TULP4: variants seen among roughly 807,000 people sequenced by gnomAD.
TULP4 encodes the protein tubby-related protein 4.
Under a neutral mutation model 129.0 loss-of-function variants are expected in TULP4, and 16 were observed. The observed-to-expected ratio is 0.12, with a 90% CI of 0.08 to 0.19. The LOEUF is 0.19. Among genes scored for constraint, TULP4 ranks in the 10% least tolerant of loss-of-function variants. TULP4 has a pLI of 1.00. For synonymous variants in TULP4, 998 were observed against 854.0 expected (o/e 1.17, Z -2.94); for missense variants, 1,842 against 2,059.1 (o/e 0.89, Z 2.04).
In TULP4 at chr6:158,313,689, C is replaced by A; in HGVS notation, c.-328C>A. 1 of 447,746 alleles carries A rather than the reference C, an allele frequency of 2.2e-6. No homozygotes were observed. Among genetic ancestry groups the A allele is most frequent in the Non-Finnish European group, 3.9e-6 (1 of 256,204 alleles). The allele number at this position is 447,746 out of a possible 1,614,324, so 27.7% of individuals were successfully genotyped here. A position where few individuals can be genotyped will look rare whatever the true frequency, so the allele number is the denominator to read the frequency against. ...AAAAAGAAGAAAACCGTTTCTTGAT[C>A]ACCACTTAATTAACGATGCTCTTTC... On this transcript the variant is annotated 5_prime_UTR_variant, in exon 1 of 14. Transcript: ENST00000367097.
At chr6:158,267,721 C>T (rs753369569) in intron 1 of TULP4, among the ~76,000 whole-genome samples, 3 of 152,176 alleles carry the variant, frequency 2.0e-5, no homozygotes, top group Non-Finnish European at 2.9e-5. Context: ...ATTTTGCTCC[C>T]GTGTGGATGT....
intron 1 of TULP4, among the ~76,000 whole-genome samples, chr6:158,394,554 C>T (rs991893500): frequency 1.3e-5 from 2 of 151,774 alleles, no homozygotes; most frequent in African/African-American, 2.4e-5. Context: ...AAGGCTGAGG[C>T]GGGCAGATCA....
chr6:158,483,493 T>A (rs530289583), intron 8 of TULP4, among the ~76,000 whole-genome samples: 254 of 152,128 alleles, frequency 1.7e-3, no homozygotes, highest in Non-Finnish European at 2.8e-3. Context: ...CCACACTTGC[T>A]AATTTTTGTA....
At chr6:158,273,611 A>T (rs1778587640) in intron 1 of TULP4, among the ~76,000 whole-genome samples, 1 of 152,170 alleles carries the variant, frequency 6.6e-6, no homozygotes, top group South Asian at 2.1e-4. Context: ...GCCCTGTCCC[A>T]TTCTTCTTCA....
intron 1 of TULP4, among the ~76,000 whole-genome samples, chr6:158,323,519 T>A (rs533731111): frequency 1.2e-3 from 114 of 98,376 alleles, no homozygotes; most frequent in African/African-American, 3.7e-3. Context: ...GTGAGCATAT[T>A]GTAGCATGCT....
intron 1 of TULP4, among the ~76,000 whole-genome samples, chr6:158,396,717 G>A (rs966189073): frequency 6.6e-6 from 1 of 152,130 alleles, no homozygotes; most frequent in African/African-American, 2.4e-5. Context: ...TTTACAGATT[G>A]ATGTCTCTTA....
chr6:158,296,733 G>A (rs999600350), intron 1 of TULP4, among the ~76,000 whole-genome samples: 3 of 152,154 alleles, frequency 2.0e-5, no homozygotes, highest in Non-Finnish European at 4.4e-5. Context: ...CTGGGCTGCC[G>A]GAGATGACAT....
intron 1 of TULP4, among the ~76,000 whole-genome samples, chr6:158,352,196 A>G: frequency 6.6e-6 from 1 of 152,214 alleles, no homozygotes; most frequent in East Asian, 1.9e-4. Context: ...ATTTCCAGAT[A>G]TCCATTGGAA....
At chr6:158,457,637 C>T (rs1161541639) in intron 5 of TULP4, among the ~76,000 whole-genome samples, 2 of 152,202 alleles carry the variant, frequency 1.3e-5, no homozygotes, top group Non-Finnish European at 2.9e-5. Context: ...GTTCATCCCT[C>T]AGTGGCAAAG....
intron 6 of TULP4, among the ~76,000 whole-genome samples, chr6:158,474,384 C>G (rs1210738865): frequency 1.1e-4 from 16 of 152,192 alleles, no homozygotes; most frequent in Admixed American, 1.0e-3. Context: ...CCTGGTTTTC[C>G]CTGTCCAGGA....
At position 158,502,292 on chromosome 6, in the gene TULP4, G is replaced by A; in HGVS notation, c.2629G>A (p.Val877Met). The A allele has an allele frequency of 6.2e-7, 1 of 1,608,256 alleles. No individual in the cohort carries two copies. The highest frequency in any genetic ancestry group is 8.5e-7 in the Non-Finnish European group (1 of 1,177,726). ...KGDFSLYPTS[V>M]HYQTPLGYER... ...CGACTTCTCCCTCTACCCCACGTCA[G>A]TGCACTACCAGACCCCCCTGGGCTA... is the stretch of plus-strand genomic sequence containing the variant. The change falls in exon 13 of 14, where the codon GTG becomes ATG. Residue 877 changes from valine to methionine, a missense_variant. Coordinates refer to ENST00000367097, the MANE Select transcript of TULP4 (RefSeq NM_020245.5).
Position 158,492,320 on chromosome 6 carries a change from G to A in TULP4, c.1632-1253G>A, listed in dbSNP as rs138842889. Among the ~76,000 whole-genome samples the A allele has an allele frequency of 1.5e-3, 229 of 152,296 alleles. 1 individual carries two copies. Among genetic ancestry groups the A allele is most frequent in the Middle Eastern group, 6.8e-3 (2 of 294 alleles). ...GCCTTTCTTCAGTTCTCTTCCAGCA[G>A]CTTTCTAGTTTTAGCTTTCATGCTT... On this transcript the variant is annotated intron_variant, in intron 9 of 13. Coordinates refer to ENST00000367097, the MANE Select transcript of TULP4 (RefSeq NM_020245.5).
intron 1 of TULP4, among the ~76,000 whole-genome samples, chr6:158,376,865 C>T (rs1777202771): frequency 6.6e-6 from 1 of 152,210 alleles, no homozygotes; most frequent in Admixed American, 6.5e-5. Context: ...ATCCCATGAC[C>T]ACAGGGAGCA....
At chr6:158,346,553 T>C (rs1780317468) in intron 1 of TULP4, among the ~76,000 whole-genome samples, 1 of 152,232 alleles carries the variant, frequency 6.6e-6, no homozygotes, top group Admixed American at 6.5e-5. Context: ...CTGCAGTATC[T>C]ACAAGTTATG....
chr6:158,273,976 C>T (rs556197882), intron 1 of TULP4, among the ~76,000 whole-genome samples: 2 of 152,112 alleles, frequency 1.3e-5, no homozygotes, highest in African/African-American at 2.4e-5. Flanking sequence ...ACCTGCCTCC[C>T]GGGCTGGGTG....
intron 1 of TULP4, among the ~76,000 whole-genome samples, chr6:158,247,713 A>G (rs1205088944): frequency 6.6e-6 from 1 of 152,202 alleles, no homozygotes; most frequent in Non-Finnish European, 1.5e-5. Flanking sequence ...CCTTTCCACT[A>G]TCTTTGGCTA....
At chr6:158,403,274 G>C (rs1024024215) in intron 1 of TULP4, among the ~76,000 whole-genome samples, 2 of 152,104 alleles carry the variant, frequency 1.3e-5, no homozygotes, top group Non-Finnish European at 2.9e-5. Flanking sequence ...CCCTTCCCAA[G>C]CTGCAGTCTG....
chr6:158,407,603 A>G (rs1409146544), intron 1 of TULP4, among the ~76,000 whole-genome samples: 1 of 152,242 alleles, frequency 6.6e-6, no homozygotes, highest in Non-Finnish European at 1.5e-5. Flanking sequence ...AAGTTGATGA[A>G]CAGATCAACA....
rs71030170 is a variant in TULP4 at position 158,439,700 on chromosome 6, CTTTTTTTTTTTTTT to C, written c.544-9280_544-9267del. 2.4e-3 allele frequency among the ~76,000 whole-genome samples: 164 copies of C among 68,252 alleles called. 2 individuals carry two copies. The highest frequency in any genetic ancestry group is 0.011 in the Middle Eastern group (1 of 94). The allele number at this position is 68,252 out of a possible 152,430, so 44.8% of individuals were successfully genotyped here. On this transcript the variant is annotated intron_variant, in intron 3 of 13. Coordinates refer to ENST00000367097, the MANE Select transcript of TULP4 (RefSeq NM_020245.5). ...CATGTAAGCTCTTGTACTAGAGTTT[CTTTTTTTTTTTTTT>C]TTTTTTTTTTTTTTTGAGACGGAGT...
Sources: allele counts gnomAD v4.1 joint callset (sites outside exome capture counted in the v4.1 genomes callset), GRCh38; gene constraint gnomAD v4.1.1; transcripts MANE v1.5; gene names NCBI Gene and HGNC (gene_info 2026-07-23, HGNC 2026-07-21).